The following MICU1 variants were observed in gnomAD, a reference collection of about 807,000 sequenced individuals.
MICU1 encodes the protein calcium uptake protein 1, mitochondrial.
In MICU1, 45 loss-of-function variants were observed where a neutral mutation model predicts 56.8. The ratio of observed to expected loss-of-function variants is 0.79; its 90% CI spans 0.62 to 1.02. The LOEUF is 1.02. Ranked by LOEUF, MICU1 falls within the 50% of genes least tolerant of loss-of-function variation. MICU1 has a pLI of 0.00. For synonymous variants in MICU1, 186 were observed against 195.1 expected, an observed-to-expected ratio of 0.95 and a Z score of 0.39; for missense variants, 504 against 587.1, an observed-to-expected ratio of 0.86 and a Z score of 1.46.
chr10:72,400,700 C>G (rs1356484412), intron 10 of MICU1, among the ~76,000 whole-genome samples: 1 of 152,004 alleles, frequency 6.6e-6, no homozygotes, highest in African/African-American at 2.4e-5. Context: ...GAGCCAAGAT[C>G]ATGCCATTGC....
intron 8 of MICU1, among the ~76,000 whole-genome samples, chr10:72,432,535 G>C (rs953406233): frequency 2.0e-5 from 3 of 152,198 alleles, no homozygotes; most frequent in Admixed American, 1.3e-4. Flanking sequence ...CAGGCTATAG[G>C]GGAAGGATGG....
intron 5 of MICU1, among the ~76,000 whole-genome samples, chr10:72,526,178 C>T (rs1035211139): frequency 1.3e-5 from 2 of 151,844 alleles, no homozygotes; most frequent in Non-Finnish European, 2.9e-5. Flanking sequence ...ATTTAAAGAA[C>T]TTTGGATGGG....
At chr10:72,426,188 T>C (rs897519214) in intron 8 of MICU1, among the ~76,000 whole-genome samples, 1 of 152,042 alleles carries the variant, frequency 6.6e-6, no homozygotes, top group African/African-American at 2.4e-5. Flanking sequence ...CAGATAATTT[T>C]TGTAGTTTTA....
intron 1 of MICU1, among the ~76,000 whole-genome samples, chr10:72,625,583 T>C (rs763952906): frequency 8.5e-5 from 13 of 152,204 alleles, no homozygotes; most frequent in Admixed American, 4.6e-4. Flanking sequence ...TTCGATTCAG[T>C]GGTTAATATT....
intron 8 of MICU1, among the ~76,000 whole-genome samples, chr10:72,471,507 T>C (rs1865950576): frequency 6.6e-6 from 1 of 152,242 alleles, no homozygotes; most frequent in African/African-American, 2.4e-5. Flanking sequence ...GTTTAGATTG[T>C]GGTCAGGCTG....
intron 1 of MICU1, among the ~76,000 whole-genome samples, chr10:72,624,932 G>A (rs143257815): frequency 3.3e-5 from 5 of 152,294 alleles, no homozygotes; most frequent in African/African-American, 1.2e-4. Flanking sequence ...CAGTAGGTGG[G>A]TCATTCTGGC....
intron 4 of MICU1, among the ~76,000 whole-genome samples, chr10:72,544,695 T>C (rs756616705): frequency 3.5e-4 from 53 of 152,160 alleles, no homozygotes; most frequent in Admixed American, 3.9e-4. Flanking sequence ...CAACTATCTA[T>C]CTCATTATAC....
intron 8 of MICU1, among the ~76,000 whole-genome samples, chr10:72,426,415 T>C (rs1021027539): frequency 8.6e-5 from 13 of 151,200 alleles, no homozygotes; most frequent in South Asian, 2.1e-4. Context: ...TTTTTTTTTT[T>C]CAGACAGGGT....
At chr10:72,446,548 C>T (rs1208457821) in intron 8 of MICU1, among the ~76,000 whole-genome samples, 5 of 152,066 alleles carry the variant, frequency 3.3e-5, no homozygotes, top group African/African-American at 1.2e-4. Context: ...AGGCTGCTCT[C>T]GAACTCCTGA....
At chr10:72,577,276 G>A (rs1332541825) in intron 1 of MICU1, among the ~76,000 whole-genome samples, 3 of 152,098 alleles carry the variant, frequency 2.0e-5, no homozygotes, top group South Asian at 2.1e-4. Context: ...TTGGGAGGCC[G>A]AGGCAGGCAG....
chr10:72,614,787 T>A lies in MICU1; in HGVS notation c.-2+11223A>T, dbSNP rs111606134. Among the ~76,000 whole-genome samples, 1,298 of 152,286 alleles carry A rather than the reference T, an allele frequency of 8.5e-3. 19 individuals carry two copies. Among genetic ancestry groups the A allele is most frequent in the African/African-American group, 0.03 (1,226 of 41,542 alleles). On this transcript the variant is annotated intron_variant, in intron 1 of 11. Coordinates refer to ENST00000361114, the MANE Select transcript of MICU1 (RefSeq NM_001195518.2). ...GGAGAGGGAAATGAGGAATGAGCAT[T>A]TAATGAGTATGGGGTTTCAGTTTGG...
chr10:72,444,680 G>A (rs976087350), intron 8 of MICU1, among the ~76,000 whole-genome samples: 7 of 152,026 alleles, frequency 4.6e-5, no homozygotes, highest in Non-Finnish European at 1.5e-5. Context: ...GAACTCCTGT[G>A]CTCAGTGATC....
At chr10:72,465,417 G>A (rs1865763735) in intron 8 of MICU1, among the ~76,000 whole-genome samples, 1 of 148,294 alleles carries the variant, frequency 6.7e-6, no homozygotes, top group Non-Finnish European at 1.5e-5. Flanking sequence ...CCTGGGAGAT[G>A]CATTCTGAGA....
At chr10:72,489,294 A>T (rs1256196837) in intron 6 of MICU1, among the ~76,000 whole-genome samples, 2 of 110,106 alleles carry the variant, frequency 1.8e-5, no homozygotes, top group Admixed American at 7.7e-5. Flanking sequence ...ACTCTGTCAC[A>T]CACACACACA....
intron 4 of MICU1, among the ~76,000 whole-genome samples, chr10:72,542,746 G>A (rs1253013990): frequency 1.3e-5 from 2 of 152,254 alleles, no homozygotes; most frequent in Non-Finnish European, 2.9e-5. Context: ...AAGGGCCAGT[G>A]TGACAGCCTT....
At chr10:72,427,990 C>T (rs1182773087) in intron 8 of MICU1, among the ~76,000 whole-genome samples, 2 of 151,998 alleles carry the variant, frequency 1.3e-5, no homozygotes, top group African/African-American at 4.8e-5. Flanking sequence ...TAAACCTACC[C>T]GGTGAGCATG....
intron 5 of MICU1, among the ~76,000 whole-genome samples, chr10:72,514,884 T>C (rs1347426953): frequency 3.3e-5 from 5 of 152,226 alleles, no homozygotes; most frequent in Non-Finnish European, 5.9e-5. Context: ...TTCTCCCATG[T>C]ATCTCCTTAC....
intron 2 of MICU1, among the ~76,000 whole-genome samples, chr10:72,566,285 A>T (rs1456767759): frequency 6.6e-6 from 1 of 152,024 alleles, no homozygotes; most frequent in African/African-American, 2.4e-5. Flanking sequence ...ACTTCAAGTG[A>T]TCCAACCACC....
At chr10:72,541,486 C>T (rs1414440142) in intron 4 of MICU1, among the ~76,000 whole-genome samples, 1 of 152,150 alleles carries the variant, frequency 6.6e-6, no homozygotes, top group Non-Finnish European at 1.5e-5. Flanking sequence ...AACTGAATGA[C>T]CCCACCCAGA....
Sources: allele counts gnomAD v4.1 joint callset (sites outside exome capture counted in the v4.1 genomes callset), GRCh38; gene constraint gnomAD v4.1.1; transcripts MANE v1.5; gene names NCBI Gene and HGNC (gene_info 2026-07-23, HGNC 2026-07-21).